Variants in ARMCX4 observed in about 807,000 individuals in gnomAD.
The protein encoded by ARMCX4 is armadillo repeat-containing X-linked protein 4.
A neutral mutation model predicts 34.7 loss-of-function variants in ARMCX4; 3 were observed. That is an observed-to-expected ratio of 0.09 (90% CI 0.04 to 0.22). The LOEUF is 0.22. Ranked by LOEUF, ARMCX4 falls within the 10% of genes least tolerant of loss-of-function variation. ARMCX4 has a pLI of 1.00. For missense variants in ARMCX4, 1,448 were observed against 1,720.8 expected, an observed-to-expected ratio of 0.84 and a Z score of 2.81; for synonymous variants, 513 against 632.8, an observed-to-expected ratio of 0.81 and a Z score of 2.84.
chrX:101,489,375 A>C lies in ARMCX4; in HGVS notation c.786A>C (p.Gly262=), dbSNP rs920597262. 190 of 1,153,184 alleles carry C rather than the reference A, an allele frequency of 1.6e-4. No homozygotes were observed. The highest frequency in any genetic ancestry group is 2.1e-4 in the Non-Finnish European group (180 of 872,235). ...ARPGATVDAR[G]NPNGMSREVA... is the part of the protein sequence containing the mutation. ...CTGGTGCCACAGTTGATGCTAGGGG[A>C]AATCCCAATGGCATGTCCAGGGAGG... is the stretch of plus-strand genomic sequence containing the variant. The change falls in exon 6 of 6, where the codon GGA becomes GGC. Residue 262 remains glycine (G), a synonymous_variant. Transcript: ENST00000423738.
chrX:101,526,490 C>A (rs1934976830), intron 11 of ARMCX4, among the ~76,000 whole-genome samples: 1 of 111,869 alleles, frequency 8.9e-6, no homozygotes, highest in Admixed American at 9.5e-5. Flanking sequence ...ACAATATTAA[C>A]CTTAAATGTA....
intron 2 of ARMCX4, among the ~76,000 whole-genome samples, chrX:101,428,777 A>G (rs2147518820): frequency 9.0e-6 from 1 of 111,687 alleles, no homozygotes; most frequent in South Asian, 3.7e-4. Flanking sequence ...GTGGTTAAAG[A>G]ATAGCTCTTA....
At chrX:101,442,412 TG>T (rs1931355697) in intron 2 of ARMCX4, among the ~76,000 whole-genome samples, 2 of 111,255 alleles carry the variant, frequency 1.8e-5, no homozygotes, top group Non-Finnish European at 3.8e-5. Flanking sequence ...AAGACTCCAC[TG>T]GGAAAGACCT....
intron 11 of ARMCX4, among the ~76,000 whole-genome samples, chrX:101,531,211 A>G (rs1256848617): frequency 8.9e-6 from 1 of 111,920 alleles, no homozygotes; most frequent in Non-Finnish European, 1.9e-5. Context: ...CGCTGTGATT[A>G]CACTGGGCCC....
chrX:101,486,903 G>A (rs1933747560), intron 2 of ARMCX4, among the ~76,000 whole-genome samples: 1 of 107,742 alleles, frequency 9.3e-6, no homozygotes, highest in Non-Finnish European at 1.9e-5. Flanking sequence ...ATCCAGCCTG[G>A]GTGACAGAGT....
intron 2 of ARMCX4, among the ~76,000 whole-genome samples, chrX:101,440,707 G>A (rs1320918179): frequency 9.0e-6 from 1 of 111,537 alleles, no homozygotes; most frequent in Non-Finnish European, 1.9e-5. Flanking sequence ...CTGCCACCTT[G>A]CAGTTTGATC....
At chrX:101,436,177 G>T (rs1382875675) in intron 2 of ARMCX4, among the ~76,000 whole-genome samples, 22 of 108,868 alleles carry the variant, frequency 2.0e-4, no homozygotes, top group African/African-American at 6.9e-4. Flanking sequence ...CCAATTCTGT[G>T]AAGAAAGTCA....
chrX:101,479,662 G>A (rs1315032567), intron 4 of ARMCX4, among the ~76,000 whole-genome samples: 2 of 109,081 alleles, frequency 1.8e-5, no homozygotes, highest in African/African-American at 6.7e-5. Flanking sequence ...TGTATTTTTA[G>A]TAAAGACGAG....
At chrX:101,470,393 A>T (rs2147623248) in intron 4 of ARMCX4, among the ~76,000 whole-genome samples, 1 of 110,559 alleles carries the variant, frequency 9.0e-6, no homozygotes, top group East Asian at 2.9e-4. Flanking sequence ...GCTCACTGCA[A>T]CCTTCACCCC....
intron 11 of ARMCX4, among the ~76,000 whole-genome samples, chrX:101,530,510 A>T (rs1343928118): frequency 8.9e-6 from 1 of 111,991 alleles, no homozygotes. Flanking sequence ...AAAATAAAAA[A>T]GTGGTATATA....
chrX:101,456,536 A>C lies in ARMCX4; in HGVS notation c.-473+10492A>C, dbSNP rs1556000270. 6.3e-5 allele frequency among the ~76,000 whole-genome samples: 7 copies of C among 110,828 alleles called. No individual in the cohort carries two copies. In the Admixed American group the frequency reaches 6.8e-4, roughly 11 times the overall value. On this transcript the variant is annotated intron_variant and NMD_transcript_variant, in intron 4 of 15. Coordinates refer to the ARMCX4 transcript ENST00000433011. ...GTTGTTTTTTGATTGTTGAATTTTA[A>C]AGTACTATAGATATGTACTTCTTTT...
chrX:101,527,321 G>C lies in ARMCX4; in HGVS notation c.*1781-4323G>C, dbSNP rs371517914. Among the ~76,000 whole-genome samples, 3 of 111,707 alleles carry C rather than the reference G, an allele frequency of 2.7e-5. No individual in the cohort carries two copies. The South Asian group carries it at 1.1e-3, about 41-fold the overall frequency. ...CACAACATACCAGAATCTCTGGGACGCATTTAAGCAGTGTGTAGAGTGAAA... is the reference window on the plus strand; with the variant it reads ...CACAACATACCAGAATCTCTGGGACCCATTTAAGCAGTGTGTAGAGTGAAA... On this transcript the variant is annotated intron_variant and NMD_transcript_variant, in intron 11 of 12. Coordinates refer to the ARMCX4 transcript ENST00000354842.
intron 2 of ARMCX4, among the ~76,000 whole-genome samples, chrX:101,426,595 C>T (rs1929640138): frequency 8.9e-6 from 1 of 111,738 alleles, no homozygotes; most frequent in Non-Finnish European, 1.9e-5. Context: ...TGATGGCTCA[C>T]TTCTGGTTGT....
chrX:101,518,409 C>G (rs1934785705), intron 11 of ARMCX4, among the ~76,000 whole-genome samples: 1 of 111,379 alleles, frequency 9.0e-6, no homozygotes, highest in Non-Finnish European at 1.9e-5. Flanking sequence ...GTAGGAAATA[C>G]ATTTATATAC....
At chrX:101,456,645 A>G (rs1932299848) in intron 4 of ARMCX4, among the ~76,000 whole-genome samples, 1 of 111,458 alleles carries the variant, frequency 9.0e-6, no homozygotes, top group African/African-American at 3.2e-5. Flanking sequence ...ACAATTATAA[A>G]CTCATAACTA....
In ARMCX4 at chrX:101,489,422, C is replaced by A; in HGVS notation, c.833C>A (p.Ser278Tyr). 8.7e-7 allele frequency: 1 copy of A among 1,155,445 alleles called. No individual in the cohort carries two copies. Among genetic ancestry groups the A allele is most frequent in the Non-Finnish European group, 1.1e-6 (1 of 872,781 alleles). Reference sequence around the variant, plus strand: ...GAGGTGGCTGGAGTGGACATGAAGTCCTGTGCACAGTCTCAGGCTGTGACC... The same window carrying A: ...GAGGTGGCTGGAGTGGACATGAAGTACTGTGCACAGTCTCAGGCTGTGACC... ...SREVAGVDMK[S>Y]CAQSQAVTKI... The change falls in exon 6 of 6, where the codon TCC becomes TAC. Residue 278 changes from serine to tyrosine, a missense_variant. By Grantham distance (144) the Ser-to-Tyr change is moderately radical. Around this residue, in one of 2 missense-constraint regions of ARMCX4, gnomAD observed 1,343 missense variants for 1,540.7 expected, o/e 0.87. Transcript: ENST00000423738.
At chrX:101,446,125 T>A (rs1463834864) in exon 4 of ARMCX4, 1 of 112,201 alleles carries the variant, frequency 8.9e-6, no homozygotes, top group Admixed American at 9.5e-5. Context: ...AATTGATATT[T>A]TTTTTGTTGA....
chrX:101,476,125 G>A (rs1412612296), intron 4 of ARMCX4, among the ~76,000 whole-genome samples: 1 of 110,101 alleles, frequency 9.1e-6, no homozygotes, highest in African/African-American at 3.3e-5. Flanking sequence ...TTTTAAAAAA[G>A]TGGAAAGAGT....
chrX:101,504,140 G>A (rs1556014490), intron 7 of ARMCX4, among the ~76,000 whole-genome samples: 3 of 111,316 alleles, frequency 2.7e-5, no homozygotes, highest in Non-Finnish European at 5.7e-5. Context: ...TATTCCATTG[G>A]TCTATATCTC....
Sources: gnomAD v4.1 joint callset for allele counts (sites outside exome capture counted in the v4.1 genomes callset) on GRCh38, gnomAD v4.1.1 for gene constraint, gnomAD v4.1.1 regional missense constraint, MANE v1.5 for transcripts, NCBI Gene and HGNC (gene_info 2026-07-23, HGNC 2026-07-21) for gene names.